POU6F2: variants seen among roughly 807,000 people sequenced by gnomAD.
POU6F2 encodes the protein POU domain, class 6, transcription factor 2.
A neutral mutation model predicts 71.3 loss-of-function variants in POU6F2; 31 were observed. The observed-to-expected ratio is 0.43, with a 90% CI of 0.33 to 0.59. POU6F2 has a LOEUF of 0.59. POU6F2 is among the 20% of genes least tolerant of loss of function. The pLI, the probability that POU6F2 is intolerant of heterozygous loss-of-function variation, is 0.04. For synonymous variants in POU6F2, 347 were observed against 355.7 expected, an observed-to-expected ratio of 0.98 and a Z score of 0.27; for missense variants, 783 against 856.8, an observed-to-expected ratio of 0.91 and a Z score of 1.07.
chr7:39,441,750 A>G (rs1788410919), intron 7 of POU6F2, among the ~76,000 whole-genome samples: 3 of 152,194 alleles, frequency 2.0e-5, no homozygotes, highest in African/African-American at 7.2e-5. Context: ...ACATGTTGAA[A>G]TGAGCTCCTT....
chr7:39,392,838 G>A lies in POU6F2; in HGVS notation c.973-13762G>A, dbSNP rs371622556. 1.1e-4 allele frequency among the ~76,000 whole-genome samples: 17 copies of A among 152,298 alleles called. No homozygotes were observed. In the East Asian group the frequency reaches 2.5e-3, roughly 22 times the overall value. ...CTGCACTACCAGTTACCTAGTTTCT[G>A]CTCATAAGTGCACAGCCAAACATTT... On this transcript the variant is annotated intron_variant, in intron 5 of 9. Coordinates refer to ENST00000518318, the MANE Select transcript of POU6F2 (RefSeq NM_001370959.1).
intron 2 of POU6F2, among the ~76,000 whole-genome samples, chr7:39,132,086 A>ATAC (rs1792297605): frequency 6.6e-6 from 1 of 152,214 alleles, no homozygotes; most frequent in South Asian, 2.1e-4. Flanking sequence ...ATGCTATCAA[A>ATAC]TACTAGGCCA....
At chr7:39,293,402 C>G (rs1297552874) in intron 4 of POU6F2, among the ~76,000 whole-genome samples, 1 of 152,170 alleles carries the variant, frequency 6.6e-6, no homozygotes, top group Non-Finnish European at 1.5e-5. Context: ...TGAAGCGCTG[C>G]GGTAGAAAGA....
intron 1 of POU6F2, among the ~76,000 whole-genome samples, chr7:39,018,040 A>G (rs1163148448): frequency 6.6e-6 from 1 of 152,112 alleles, no homozygotes; most frequent in Non-Finnish European, 1.5e-5. Context: ...GATAGCAGGT[A>G]TCTTTGTTTT....
At chr7:39,450,573 C>G (rs1345510773) in intron 7 of POU6F2, among the ~76,000 whole-genome samples, 1 of 152,166 alleles carries the variant, frequency 6.6e-6, no homozygotes, top group African/African-American at 2.4e-5. Flanking sequence ...CTGAGCTCCT[C>G]TCACTTCTCA....
chr7:39,126,368 A>C (rs908740668), intron 2 of POU6F2, among the ~76,000 whole-genome samples: 7 of 152,142 alleles, frequency 4.6e-5, no homozygotes, highest in Non-Finnish European at 8.8e-5. Flanking sequence ...AGGGCATGCA[A>C]ATTTCAGGTG....
intron 1 of POU6F2, among the ~76,000 whole-genome samples, chr7:39,042,347 C>T (rs540430585): frequency 1.2e-3 from 179 of 152,032 alleles, no homozygotes; most frequent in African/African-American, 4.1e-3. Flanking sequence ...TAAGAGGAAC[C>T]ACTGAATGAG....
chr7:39,026,193 G>A (rs983423113), intron 1 of POU6F2, among the ~76,000 whole-genome samples: 53 of 151,480 alleles, frequency 3.5e-4, no homozygotes, highest in African/African-American at 1.1e-3. Flanking sequence ...TCAGTGTGGC[G>A]ATTCCTCAGG....
rs1464208661 is a variant in POU6F2, at chr7:39,011,220, C to T, written c.105+33162C>T. 1.4e-4 allele frequency among the ~76,000 whole-genome samples: 20 copies of T among 144,692 alleles called. 1 individual carries two copies. Among genetic ancestry groups the T allele is most frequent in the African/African-American group, 3.8e-4 (15 of 39,298 alleles). The allele number at this position is 144,692 out of a possible 152,430, so 94.9% of individuals were successfully genotyped here. On this transcript the variant is annotated intron_variant, in intron 1 of 9. Coordinates refer to ENST00000518318, the MANE Select transcript of POU6F2 (RefSeq NM_001370959.1). The stretch of plus-strand genomic sequence containing the variant: ...AATCTGGGTGCTCCTGTATTGGGTG[C>T]ATATATATTTAGGATAGTTAGCTCT...
intron 2 of POU6F2, among the ~76,000 whole-genome samples, chr7:39,145,376 C>G (rs1409145136): frequency 6.6e-6 from 1 of 152,188 alleles, no homozygotes. Context: ...CCAGATCACA[C>G]AGTTTCGACC....
intron 2 of POU6F2, among the ~76,000 whole-genome samples, chr7:39,179,276 C>T (rs1435303649): frequency 6.6e-6 from 1 of 152,172 alleles, no homozygotes; most frequent in East Asian, 1.9e-4. Flanking sequence ...ATGTTGGTGC[C>T]ACACTGCCTG....
chr7:39,406,851 T>A, intron 6 of POU6F2, 111 bp downstream of exon 6: 1 of 1,397,396 alleles, frequency 7.2e-7, no homozygotes, highest in Non-Finnish European at 1.0e-6. Flanking sequence ...TCGAGGCAAA[T>A]AAATAATGTT....
intron 6 of POU6F2, among the ~76,000 whole-genome samples, chr7:39,421,464 G>A (rs1454908017): frequency 6.6e-6 from 1 of 152,062 alleles, no homozygotes; most frequent in African/African-American, 2.4e-5. Flanking sequence ...GGCACGCTTC[G>A]TTCCCCACCC....
rs548572626 is a variant in POU6F2, at chr7:39,395,507, C to T, written c.973-11093C>T. Among the ~76,000 whole-genome samples the T allele has an allele frequency of 5.9e-5, 9 of 152,304 alleles. No homozygotes were observed. The South Asian group carries it at 1.9e-3, about 32-fold the overall frequency. On this transcript the variant is annotated intron_variant, in intron 5 of 9. Transcript: ENST00000518318. ...ATCCCTTGTCTGGACTCCCTCTGCC[C>T]TTCTCTTAAAGCATTGGCTACGTAG...
intron 8 of POU6F2, among the ~76,000 whole-genome samples, chr7:39,452,962 T>A (rs1404115200): frequency 6.6e-6 from 1 of 152,124 alleles, no homozygotes; most frequent in Non-Finnish European, 1.5e-5. Flanking sequence ...CGTGGTGGCA[T>A]GTGCCTGTAA....
At position 39,464,794 on chromosome 7, in the gene POU6F2, C is replaced by G; in HGVS notation, c.*108C>G. ...AATTTAATTTAATTTAAAAATAGCC[C>G]CAGTCGTCATCACCCTTGTAAGTAA... is the stretch of plus-strand genomic sequence containing the variant. On this transcript the variant is annotated 3_prime_UTR_variant, in exon 10 of 10. Coordinates refer to ENST00000518318, the MANE Select transcript of POU6F2 (RefSeq NM_001370959.1). The surrounding 1 kb of genome is among the most constrained non-coding windows in gnomAD (Gnocchi z 4.1). The G allele has an allele frequency of 7.7e-7, 1 of 1,291,510 alleles. No homozygotes were observed. Among genetic ancestry groups the G allele is most frequent in the South Asian group, 1.6e-5 (1 of 63,376 alleles). The allele number at this position is 1,291,510 out of a possible 1,614,324, so 80.0% of individuals were successfully genotyped here.
At chr7:39,277,884 C>T (rs1050351225) in intron 4 of POU6F2, among the ~76,000 whole-genome samples, 1 of 151,992 alleles carries the variant, frequency 6.6e-6, no homozygotes, top group African/African-American at 2.4e-5. Context: ...TGGTGAAACC[C>T]CCTCTCTACT....
intron 2 of POU6F2, among the ~76,000 whole-genome samples, chr7:39,169,450 C>A (rs1352263186): frequency 6.6e-6 from 1 of 152,182 alleles, no homozygotes; most frequent in East Asian, 1.9e-4. Flanking sequence ...CAAAAACCAA[C>A]AACCAACAAC....
chr7:39,009,033 A>C (rs1789179853), intron 1 of POU6F2, among the ~76,000 whole-genome samples: 1 of 152,140 alleles, frequency 6.6e-6, no homozygotes. Context: ...TATGAACTTT[A>C]AAGTCGTTTT....
Sources: gnomAD v4.1 joint callset for allele counts (sites outside exome capture counted in the v4.1 genomes callset) on GRCh38, gnomAD v4.1.1 for gene constraint, Gnocchi (gnomAD v3.1) non-coding constraint, MANE v1.5 for transcripts, NCBI Gene and HGNC (gene_info 2026-07-23, HGNC 2026-07-21) for gene names.